ZBBX: variants seen among roughly 807,000 people sequenced by gnomAD.
The protein encoded by ZBBX is zinc finger B-box domain-containing protein 1.
Under a neutral mutation model 108.5 loss-of-function variants are expected in ZBBX, and 101 were observed. That is an observed-to-expected ratio of 0.93 (90% CI 0.79 to 1.10). The LOEUF (loss-of-function observed/expected upper bound fraction) is 1.10, where lower values mean the gene tolerates loss of function less well. Ranked by LOEUF, ZBBX falls within the 50% of genes least tolerant of loss-of-function variation. ZBBX has a pLI of 0.00. For synonymous variants in ZBBX, 356 were observed against 323.4 expected, an observed-to-expected ratio of 1.10 and a Z score of -1.08; for missense variants, 1,009 against 941.4, an observed-to-expected ratio of 1.07 and a Z score of -0.94.
At chr3:167,363,716 T>G (rs950524787) in intron 6 of ZBBX, among the ~76,000 whole-genome samples, 1 of 152,096 alleles carries the variant, frequency 6.6e-6, no homozygotes, top group Non-Finnish European at 1.5e-5. Flanking sequence ...TTTCCTTGAT[T>G]CTATTAAACC....
At chr3:167,318,438 G>A (rs1228783825) in intron 12 of ZBBX, among the ~76,000 whole-genome samples, 2 of 151,970 alleles carry the variant, frequency 1.3e-5, no homozygotes, top group Non-Finnish European at 2.9e-5. Context: ...GGATGAGACT[G>A]AGACACAAAG....
At chr3:167,351,980 A>C (rs1742741657) in intron 8 of ZBBX, among the ~76,000 whole-genome samples, 2 of 152,116 alleles carry the variant, frequency 1.3e-5, no homozygotes, top group East Asian at 3.9e-4. Flanking sequence ...ACCAGTGTTC[A>C]GCTGGTGACC....
intron 6 of ZBBX, among the ~76,000 whole-genome samples, chr3:167,361,611 C>T (rs2108546363): frequency 6.6e-6 from 1 of 152,174 alleles, no homozygotes; most frequent in Middle Eastern, 3.4e-3. Context: ...AGTGGTTTTG[C>T]TTCAAAGGGG....
chr3:167,255,573 G>A (rs1400663995), intron 20 of ZBBX, among the ~76,000 whole-genome samples: 4 of 151,932 alleles, frequency 2.6e-5, no homozygotes, highest in Non-Finnish European at 5.9e-5. Context: ...TTATTATAGG[G>A]AATTATTACT....
At chr3:167,366,960 C>T (rs1318339350) in intron 5 of ZBBX, 1 of 455,392 alleles carries the variant, frequency 2.2e-6, no homozygotes, top group Non-Finnish European at 4.4e-6. Context: ...TCTGATTAAA[C>T]CAATGCTCTA....
chr3:167,233,580 C>T, the ZBBX span, among the ~76,000 whole-genome samples: 15 of 151,838 alleles, frequency 9.9e-5, no homozygotes, highest in East Asian at 2.9e-3. Context: ...CCCCTTGAGG[C>T]CAGCTCTTCC....
chr3:167,298,319 C>T lies in ZBBX; in HGVS notation c.1865G>A (p.Arg622Lys), dbSNP rs776324011. ...TAGAAATTTACCTGCAAGTGTAATC[C>T]TAGTACTGGAATTGTTGCATTCTAA... ...HRLECNNSST[R>K]ITLAEDREWI... Residue 622 changes from arginine to lysine, a missense_variant, in exon 18 of 22, where the codon AGG (arginine) becomes AAG (lysine). Transcript: ENST00000675490. The T allele has an allele frequency of 1.3e-6, 2 of 1,593,444 alleles. No individual in the cohort carries two copies. The highest frequency in any genetic ancestry group is 8.5e-7 in the Non-Finnish European group (1 of 1,171,376).
At chr3:167,284,431 G>T (rs963468899) in intron 19 of ZBBX, among the ~76,000 whole-genome samples, 28 of 152,016 alleles carry the variant, frequency 1.8e-4, no homozygotes, top group Non-Finnish European at 5.9e-5. Context: ...CCACACTTTA[G>T]TATCTGTACT....
At chr3:167,377,233 C>T (rs1423597618) in intron 2 of ZBBX, among the ~76,000 whole-genome samples, 2 of 152,112 alleles carry the variant, frequency 1.3e-5, no homozygotes, top group Non-Finnish European at 2.9e-5. Flanking sequence ...ACATCAAAAC[C>T]TACTGCCACA....
intron 20 of ZBBX, among the ~76,000 whole-genome samples, chr3:167,258,018 A>T (rs902588772): frequency 4.6e-5 from 7 of 151,948 alleles, no homozygotes; most frequent in Admixed American, 2.0e-4. Flanking sequence ...GGTCTCAGCT[A>T]TTTATCTTTG....
chr3:167,301,954 TAAAAAAA>T (rs71176635), intron 17 of ZBBX, among the ~76,000 whole-genome samples: 1 of 92,140 alleles, frequency 1.1e-5, no homozygotes, highest in African/African-American at 3.9e-5. Context: ...AAGACTCCGT[TAAAAAAA>T]AAAAAAAAAA....
intron 1 of ZBBX, among the ~76,000 whole-genome samples, chr3:167,404,354 C>T (rs1267536753): frequency 6.6e-6 from 1 of 152,074 alleles, no homozygotes; most frequent in African/African-American, 2.4e-5. Flanking sequence ...TAGAAATAGA[C>T]AAATTCATAG....
At chr3:167,367,544 T>C (rs1408976614) in intron 5 of ZBBX, among the ~76,000 whole-genome samples, 4 of 150,800 alleles carry the variant, frequency 2.7e-5, no homozygotes, top group Admixed American at 1.3e-4. Flanking sequence ...AGTAAAATAG[T>C]AGGACATGAA....
intron 20 of ZBBX, among the ~76,000 whole-genome samples, chr3:167,244,693 C>T (rs1225249936): frequency 6.6e-6 from 1 of 152,096 alleles, no homozygotes; most frequent in Non-Finnish European, 1.5e-5. Flanking sequence ...AATCTGTCTG[C>T]TGATTTTTCT....
chr3:167,317,690 T>C, intron 12 of ZBBX, 93 bp from the exon 13 acceptor site: 1 of 719,248 alleles, frequency 1.4e-6, no homozygotes. Context: ...AATGAATGAG[T>C]ATACAAAATT....
chr3:167,203,551 AG>A, the ZBBX span, among the ~76,000 whole-genome samples: 1 of 152,128 alleles, frequency 6.6e-6, no homozygotes, highest in Non-Finnish European at 1.5e-5. Context: ...GGTTAAGTGA[AG>A]TTTTTTTTCT....
chr3:167,302,165 A>G (rs1732808029), intron 17 of ZBBX, among the ~76,000 whole-genome samples: 1 of 152,122 alleles, frequency 6.6e-6, no homozygotes, highest in African/African-American at 2.4e-5. Context: ...GTGTTCTTAC[A>G]AAGAACACAC....
the ZBBX span, among the ~76,000 whole-genome samples, chr3:167,180,139 A>T: frequency 6.6e-6 from 1 of 152,212 alleles, no homozygotes. Flanking sequence ...CTGGGTTGAA[A>T]AAAAGAGCAA....
chr3:167,291,232 A>T (rs1401103944), intron 18 of ZBBX, among the ~76,000 whole-genome samples: 1 of 152,086 alleles, frequency 6.6e-6, no homozygotes, highest in Non-Finnish European at 1.5e-5. Flanking sequence ...CCTTTAGAAG[A>T]GCAACCCCAT....
Sources: gnomAD v4.1 joint callset for allele counts (sites outside exome capture counted in the v4.1 genomes callset) on GRCh38, gnomAD v4.1.1 for gene constraint, MANE v1.5 for transcripts, NCBI Gene and HGNC (gene_info 2026-07-23, HGNC 2026-07-21) for gene names.